Variants in NOL4 observed in about 807,000 individuals in gnomAD.
The protein encoded by NOL4 is cancer/testis antigen 125.
A neutral mutation model predicts 75.9 loss-of-function variants in NOL4; 17 were observed. The observed-to-expected ratio is 0.22, with a 90% CI of 0.15 to 0.34. NOL4 has a LOEUF of 0.34. Among genes scored for constraint, NOL4 ranks in the 10% least tolerant of loss-of-function variants. The pLI, the probability that NOL4 is intolerant of heterozygous loss-of-function variation, is 1.00. For synonymous variants in NOL4, 292 were observed against 289.9 expected, an observed-to-expected ratio of 1.01 and a Z score of -0.07; for missense variants, 614 against 793.5, an observed-to-expected ratio of 0.77 and a Z score of 2.72.
intron 2 of NOL4, among the ~76,000 whole-genome samples, chr18:34,111,332 A>G (rs1600629278): frequency 6.6e-6 from 1 of 152,210 alleles, no homozygotes; most frequent in East Asian, 1.9e-4. Context: ...ATAGGCTGCT[A>G]TGTTTTGAAT....
chr18:33,950,234 C>T (rs1324531563), intron 8 of NOL4, among the ~76,000 whole-genome samples: 6 of 150,568 alleles, frequency 4.0e-5, no homozygotes, highest in Non-Finnish European at 7.4e-5. Flanking sequence ...TTTTTTAACA[C>T]TTTAATAGTT....
chr18:33,927,894 G>A (rs1178560779), intron 9 of NOL4, among the ~76,000 whole-genome samples: 1 of 151,524 alleles, frequency 6.6e-6, no homozygotes, highest in Non-Finnish European at 1.5e-5. Context: ...ATGACACACC[G>A]CTTCCTTTAG....
At chr18:34,104,210 T>C (rs1291948196) in intron 3 of NOL4, 51 bp from the exon 4 acceptor site, 1 of 1,048,092 alleles carries the variant, frequency 9.5e-7, no homozygotes, top group Non-Finnish European at 1.5e-6. Flanking sequence ...GCATTCTACC[T>C]GTAATTTTAA....
At chr18:33,891,912 A>G (rs936372398) in intron 9 of NOL4, among the ~76,000 whole-genome samples, 10 of 152,146 alleles carry the variant, frequency 6.6e-5, no homozygotes, top group African/African-American at 2.4e-4. Flanking sequence ...ATGGATTTGC[A>G]TTATTAATGT....
At chr18:34,078,168 C>T (rs1235175951) in intron 5 of NOL4, among the ~76,000 whole-genome samples, 2 of 152,042 alleles carry the variant, frequency 1.3e-5, no homozygotes, top group African/African-American at 4.8e-5. Context: ...AATATGTGAG[C>T]TATAAATAAA....
intron 1 of NOL4, among the ~76,000 whole-genome samples, chr18:34,178,048 T>C (rs191263261): frequency 1.4e-4 from 21 of 151,998 alleles, no homozygotes; most frequent in Admixed American, 1.3e-4. Context: ...ATTCAATCAT[T>C]ATAACCTTGT....
rs563853096 is a variant in NOL4, at chr18:34,043,698, G to A, written c.773-24097C>T. On this transcript the variant is annotated intron_variant, in intron 5 of 10. Transcript: ENST00000261592. ...ATATGTGTCTTACAGTGTTGTGATA[G>A]TCCAATGAGATAATGTAAATTAAAG... Among the ~76,000 whole-genome samples, 69 of 152,220 alleles carry A rather than the reference G, an allele frequency of 4.5e-4. No homozygotes were observed. In the South Asian group the frequency reaches 0.013, roughly 29 times the overall value.
intron 1 of NOL4, among the ~76,000 whole-genome samples, chr18:34,209,614 G>T (rs925059580): frequency 6.6e-6 from 1 of 152,038 alleles, no homozygotes; most frequent in Admixed American, 6.6e-5. Context: ...TCTCATTTGT[G>T]TATATAGACT....
At chr18:33,915,822 C>T (rs944884919) in intron 9 of NOL4, among the ~76,000 whole-genome samples, 1 of 152,098 alleles carries the variant, frequency 6.6e-6, no homozygotes, top group Non-Finnish European at 1.5e-5. Flanking sequence ...AGGTCTCTCT[C>T]CTGGGAACCA....
At chr18:33,883,061 T>A (rs1446289851) in intron 10 of NOL4, among the ~76,000 whole-genome samples, 183 bp downstream of exon 10, 1 of 150,646 alleles carries the variant, frequency 6.6e-6, no homozygotes, top group African/African-American at 2.5e-5. Flanking sequence ...TGTTGTGGGG[T>A]GGAGGGAGGG....
At chr18:34,114,603 C>T (rs4293449) in intron 2 of NOL4, among the ~76,000 whole-genome samples, 128,698 of 152,214 alleles carry the variant, frequency 0.85, 54,510 homozygotes, top group East Asian at 0.96. Context: ...TTTTCTTATG[C>T]TTATATAATG....
intron 1 of NOL4, among the ~76,000 whole-genome samples, chr18:34,187,913 G>C (rs749719924): frequency 1.6e-4 from 25 of 152,100 alleles, no homozygotes; most frequent in Non-Finnish European, 3.1e-4. Context: ...CTTCCAAAGT[G>C]CCTGTACTAT....
chr18:34,218,760 T>C (rs377263955), intron 1 of NOL4, among the ~76,000 whole-genome samples: 96 of 152,318 alleles, frequency 6.3e-4, no homozygotes, highest in African/African-American at 2.3e-3. Flanking sequence ...AAAAATGTGC[T>C]TCCATCTCAG....
At chr18:34,077,650 T>G (rs770731657) in intron 5 of NOL4, among the ~76,000 whole-genome samples, 5 of 152,048 alleles carry the variant, frequency 3.3e-5, no homozygotes, top group Non-Finnish European at 7.4e-5. Context: ...TAAGTGGAAT[T>G]AAAGTCTACA....
intron 9 of NOL4, among the ~76,000 whole-genome samples, chr18:33,883,946 A>C (rs1471988983): frequency 6.6e-6 from 1 of 152,066 alleles, no homozygotes; most frequent in Admixed American, 6.6e-5. Flanking sequence ...GGTTTTCAGC[A>C]CTTGGGGAGG....
At chr18:33,855,068 A>G (rs977531658) in intron 10 of NOL4, among the ~76,000 whole-genome samples, 2 of 152,032 alleles carry the variant, frequency 1.3e-5, no homozygotes, top group South Asian at 2.1e-4. Flanking sequence ...AGTTGACATC[A>G]TTATCTTGGC....
chr18:34,111,226 G>A (rs2079572815), intron 2 of NOL4, among the ~76,000 whole-genome samples: 1 of 152,016 alleles, frequency 6.6e-6, no homozygotes, highest in Non-Finnish European at 1.5e-5. Context: ...TAGAATGGAG[G>A]GAATTATTTG....
intron 1 of NOL4, among the ~76,000 whole-genome samples, chr18:34,148,309 G>T (rs936737900): frequency 1.3e-5 from 2 of 151,876 alleles, no homozygotes; most frequent in Non-Finnish European, 2.9e-5. Flanking sequence ...TGATGTTAGG[G>T]TGTCAATTTT....
At chr18:34,091,792 G>GA (rs933209529) in intron 5 of NOL4, among the ~76,000 whole-genome samples, 1 of 152,024 alleles carries the variant, frequency 6.6e-6, no homozygotes, top group Non-Finnish European at 1.5e-5. Flanking sequence ...AGAAATGTAA[G>GA]AAAAAAGTAT....
Sources: allele counts gnomAD v4.1 joint callset (sites outside exome capture counted in the v4.1 genomes callset), GRCh38; gene constraint gnomAD v4.1.1; transcripts MANE v1.5; gene names NCBI Gene and HGNC (gene_info 2026-07-23, HGNC 2026-07-21).